RANBP2: variants seen among roughly 807,000 people sequenced by gnomAD.
RANBP2 encodes RAN binding protein 2.
A neutral mutation model predicts 303.6 loss-of-function variants in RANBP2; 57 were observed. That is an observed-to-expected ratio of 0.19 (90% CI 0.15 to 0.23). RANBP2 has a LOEUF of 0.23. Among genes scored for constraint, RANBP2 ranks in the 10% least tolerant of loss-of-function variants. The probability of loss-of-function intolerance (pLI) is 1.00; values close to 1 mark genes in which losing one functional copy is unlikely to be tolerated. For synonymous variants in RANBP2, 1,167 were observed against 1,301.5 expected, an observed-to-expected ratio of 0.90 and a Z score of 2.23; for missense variants, 3,138 against 3,780.8, an observed-to-expected ratio of 0.83 and a Z score of 4.46.
At chr2:108,821,961 A>G in the RANBP2 span, among the ~76,000 whole-genome samples, 1 of 150,604 alleles carries the variant, frequency 6.6e-6, no homozygotes, top group Non-Finnish European at 1.5e-5. Context: ...TCCTTCCTTT[A>G]TCAGTAATTA....
At chr2:109,306,818 C>G in the RANBP2 span, among the ~76,000 whole-genome samples, 1 of 152,160 alleles carries the variant, frequency 6.6e-6, no homozygotes, top group Non-Finnish European at 1.5e-5. Flanking sequence ...TACGTATTTC[C>G]TAGGTTGCTC....
At chr2:109,615,160 G>A in the RANBP2 span, 1 of 1,549,248 alleles carries the variant, frequency 6.5e-7, no homozygotes, top group Admixed American at 2.0e-5. Flanking sequence ...TGTCCCGGGG[G>A]CAGCAGCCCG....
intron 18 of RANBP2, among the ~76,000 whole-genome samples, chr2:108,761,333 C>G (rs1191791340): frequency 6.6e-6 from 1 of 151,662 alleles, no homozygotes; most frequent in African/African-American, 2.4e-5. Flanking sequence ...CAGTGCTTTC[C>G]AGAGGCAATT....
the RANBP2 span, among the ~76,000 whole-genome samples, chr2:108,847,138 GC>G: frequency 6.6e-6 from 1 of 152,164 alleles, no homozygotes; most frequent in African/African-American, 2.4e-5. Context: ...CTCCCAAGAG[GC>G]CTTTGATTGT....
the RANBP2 span, among the ~76,000 whole-genome samples, chr2:109,655,507 A>G: frequency 6.6e-6 from 1 of 152,104 alleles, no homozygotes; most frequent in South Asian, 2.1e-4. Context: ...GAGGGGAGCA[A>G]ACTTGGAGGG....
the RANBP2 span, among the ~76,000 whole-genome samples, chr2:109,043,162 C>T: frequency 6.7e-3 from 1,026 of 152,216 alleles, 6 homozygotes; most frequent in East Asian, 0.035. Context: ...GGTTATGTAA[C>T]CAGAAGGGGA....
chr2:109,567,939 A>G, the RANBP2 span: 1 of 1,613,638 alleles, frequency 6.2e-7, no homozygotes, highest in Non-Finnish European at 8.5e-7. Flanking sequence ...AGTTTTAGAA[A>G]CCGTATCTGC....
the RANBP2 span, among the ~76,000 whole-genome samples, chr2:109,057,768 C>T: frequency 2.2e-3 from 333 of 152,312 alleles, no homozygotes; most frequent in African/African-American, 6.0e-3. Context: ...TCCTTCGCCC[C>T]GCCCCGGGAC....
chr2:109,078,951 A>G, the RANBP2 span, among the ~76,000 whole-genome samples: 1 of 152,158 alleles, frequency 6.6e-6, no homozygotes, highest in South Asian at 2.1e-4. Context: ...AGATCGCACA[A>G]TTGCTTTCCA....
the RANBP2 span, among the ~76,000 whole-genome samples, chr2:109,568,272 G>T: frequency 6.6e-6 from 1 of 151,806 alleles, no homozygotes. Flanking sequence ...TCTCAGCCTG[G>T]CCCTTTGCAG....
chr2:109,658,444 C>CA, the RANBP2 span, among the ~76,000 whole-genome samples: 7,115 of 144,906 alleles, frequency 0.049, 404 homozygotes, highest in East Asian at 0.33. Flanking sequence ...GACTCCATCT[C>CA]AAAAAAAAAA....
chr2:109,415,821 A>G, the RANBP2 span, among the ~76,000 whole-genome samples: 5 of 152,178 alleles, frequency 3.3e-5, no homozygotes, highest in Non-Finnish European at 2.9e-5. Flanking sequence ...TGTGGCTTGA[A>G]TGTCCCCTCT....
the RANBP2 span, among the ~76,000 whole-genome samples, chr2:109,705,624 G>A: frequency 3.3e-5 from 5 of 152,238 alleles, 1 homozygote; most frequent in East Asian, 3.9e-4. Flanking sequence ...CTCTGTGGCC[G>A]GGCCTGAGCC....
At chr2:109,296,637 G>T in the RANBP2 span, among the ~76,000 whole-genome samples, 1 of 152,150 alleles carries the variant, frequency 6.6e-6, no homozygotes. Flanking sequence ...AATGAGCTGG[G>T]CCCTGCACCA....
the RANBP2 span, among the ~76,000 whole-genome samples, chr2:108,853,336 T>G: frequency 5.3e-5 from 8 of 152,130 alleles, no homozygotes; most frequent in African/African-American, 1.9e-4. Context: ...TCTAGAAATA[T>G]TGGGCCCTTA....
At chr2:108,842,635 C>T in the RANBP2 span, among the ~76,000 whole-genome samples, 3 of 152,082 alleles carry the variant, frequency 2.0e-5, no homozygotes, top group Non-Finnish European at 2.9e-5. Flanking sequence ...CGGGCTTCAT[C>T]TAGCTATTCC....
the RANBP2 span, among the ~76,000 whole-genome samples, chr2:109,514,947 C>A: frequency 1.4e-5 from 2 of 147,962 alleles, no homozygotes; most frequent in East Asian, 4.3e-4. Context: ...TCTCCTCAAG[C>A]CTCTGACTTC....
the RANBP2 span, among the ~76,000 whole-genome samples, chr2:109,177,186 G>A: frequency 4.6e-5 from 7 of 152,232 alleles, no homozygotes; most frequent in Admixed American, 3.3e-4. Context: ...GTCAGAATAA[G>A]GGGGACTGTG....
the RANBP2 span, chr2:109,574,840 T>C: frequency 9.3e-7 from 1 of 1,075,700 alleles, no homozygotes; most frequent in Non-Finnish European, 1.3e-6. Flanking sequence ...CTCTTAGAAG[T>C]TTGAGGTCTA....
Sources: gnomAD v4.1 joint callset for allele counts (sites outside exome capture counted in the v4.1 genomes callset) on GRCh38, gnomAD v4.1.1 for gene constraint, MANE v1.5 for transcripts, NCBI Gene and HGNC (gene_info 2026-07-23, HGNC 2026-07-21) for gene names.